Variants in ARL15 observed in about 807,000 individuals in gnomAD.
ARL15 encodes the protein ADP-ribosylation factor-like protein 15.
A neutral mutation model predicts 25.2 loss-of-function variants in ARL15; 19 were observed. That is an observed-to-expected ratio of 0.75 (90% CI 0.53 to 1.10). ARL15 has a LOEUF of 1.10. ARL15 is among the 50% of genes least tolerant of loss of function. The pLI is 0.00. For synonymous variants in ARL15, 94 were observed against 86.8 expected (o/e 1.08, Z -0.46); for missense variants, 220 against 246.0 (o/e 0.89, Z 0.71).
At chr5:54,237,109 GTGGGAGGTAATTGAATCA>G (rs1756829995) in intron 1 of ARL15, among the ~76,000 whole-genome samples, 1 of 152,248 alleles carries the variant, frequency 6.6e-6, no homozygotes, top group Non-Finnish European at 1.5e-5. Flanking sequence ...GAGGGACCTG[GTGGGAGGTAATTGAATCA>G]TGGGAGTGGG....
intron 4 of ARL15, among the ~76,000 whole-genome samples, chr5:54,025,422 A>C (rs553811624): frequency 6.6e-6 from 1 of 152,302 alleles, no homozygotes; most frequent in African/African-American, 2.4e-5. Flanking sequence ...AATTTCTTAA[A>C]ATTAATTGGA....
At chr5:54,087,293 ACTCCAGC>A (rs1482276866) in intron 4 of ARL15, among the ~76,000 whole-genome samples, 1 of 151,936 alleles carries the variant, frequency 6.6e-6, no homozygotes, top group African/African-American at 2.4e-5. Context: ...AAGCCACTGC[ACTCCAGC>A]CTGGGCGACA....
At chr5:54,176,203 A>G (rs985541709) in intron 1 of ARL15, among the ~76,000 whole-genome samples, 1 of 152,202 alleles carries the variant, frequency 6.6e-6, no homozygotes, top group African/African-American at 2.4e-5. Flanking sequence ...GGCTAGATTG[A>G]TAGTTATTAC....
At chr5:53,891,284 A>C (rs886373253) in intron 4 of ARL15, among the ~76,000 whole-genome samples, 2 of 152,178 alleles carry the variant, frequency 1.3e-5, no homozygotes, top group Admixed American at 6.5e-5. Flanking sequence ...TGTGTGTGAA[A>C]GAGAGTCATG....
intron 3 of ARL15, among the ~76,000 whole-genome samples, chr5:54,139,600 C>G (rs1290162726): frequency 1.3e-5 from 2 of 152,172 alleles, no homozygotes; most frequent in African/African-American, 2.4e-5. Context: ...ACTAAAATCT[C>G]AGACTTCACT....
chr5:53,886,459 G>A lies in ARL15; in HGVS notation c.*102C>T. ...AGTCTGAAATGACCAGAGGAAAATA[G>A]ATACTGAAGCCAATATAGTCTTGAT... On this transcript the variant is annotated 3_prime_UTR_variant, in exon 5 of 5. Coordinates refer to ENST00000504924, the MANE Select transcript of ARL15 (RefSeq NM_019087.3). The A allele has an allele frequency of 6.3e-6, 8 of 1,269,562 alleles. No homozygotes were observed. Among genetic ancestry groups the A allele is most frequent in the Non-Finnish European group, 8.5e-6 (8 of 938,420 alleles). The allele number at this position is 1,269,562 out of a possible 1,614,324, so 78.6% of individuals were successfully genotyped here. A position where few individuals can be genotyped will look rare whatever the true frequency, so the allele number is the denominator to read the frequency against.
intron 4 of ARL15, among the ~76,000 whole-genome samples, chr5:53,990,518 T>C (rs1043091351): frequency 2.0e-5 from 3 of 152,152 alleles, no homozygotes; most frequent in Admixed American, 1.3e-4. Context: ...CCCAACAGGA[T>C]CAAACACAAG....
chr5:54,163,707 T>C (rs1223899886), intron 2 of ARL15, among the ~76,000 whole-genome samples: 1 of 152,026 alleles, frequency 6.6e-6, no homozygotes, highest in African/African-American at 2.4e-5. Flanking sequence ...GTTCATGATA[T>C]TCCCTTATTA....
intron 1 of ARL15, among the ~76,000 whole-genome samples, chr5:54,174,253 C>T (rs1250126292): frequency 6.6e-6 from 1 of 152,150 alleles, no homozygotes; most frequent in African/African-American, 2.4e-5. Context: ...TAGAGACTAA[C>T]AGGATGCTTG....
At chr5:54,101,311 A>G (rs944360775) in intron 4 of ARL15, among the ~76,000 whole-genome samples, 2 of 152,138 alleles carry the variant, frequency 1.3e-5, no homozygotes, top group Non-Finnish European at 1.5e-5. Flanking sequence ...GACTAACTAG[A>G]GTATAAATAA....
rs538400908 is a variant in ARL15, at chr5:54,079,798, C to T, written c.462+33404G>A. ...CAGCCTGGCCAACATGGTGAAACCC[C>T]ATCTCTACTAAAAATACAAAAAATA... is the stretch of plus-strand genomic sequence containing the variant. On this transcript the variant is annotated intron_variant, in intron 4 of 4. Coordinates refer to ENST00000504924, the MANE Select transcript of ARL15 (RefSeq NM_019087.3). 5.3e-5 allele frequency among the ~76,000 whole-genome samples: 8 copies of T among 152,108 alleles called. No individual in the cohort carries two copies. The South Asian group carries it at 1.7e-3, about 32-fold the overall frequency.
intron 4 of ARL15, among the ~76,000 whole-genome samples, chr5:53,975,701 T>C (rs1369793026): frequency 2.6e-5 from 4 of 152,162 alleles, no homozygotes; most frequent in Admixed American, 2.6e-4. Flanking sequence ...AAGAAAAAAG[T>C]GTCATATGAT....
At chr5:53,891,841 G>A (rs920316830) in intron 4 of ARL15, among the ~76,000 whole-genome samples, 2 of 152,214 alleles carry the variant, frequency 1.3e-5, no homozygotes, top group African/African-American at 2.4e-5. Context: ...TGTCCTGAAC[G>A]AGACTGGAGA....
intron 4 of ARL15, among the ~76,000 whole-genome samples, chr5:54,100,035 G>A (rs1224443763): frequency 1.3e-5 from 2 of 152,064 alleles, no homozygotes; most frequent in Non-Finnish European, 2.9e-5. Flanking sequence ...GTATTCACTT[G>A]AGAAATGCTT....
At chr5:54,068,400 C>T (rs156828) in intron 4 of ARL15, among the ~76,000 whole-genome samples, 104,636 of 152,092 alleles carry the variant, frequency 0.69, 36,204 homozygotes, top group African/African-American at 0.77. Flanking sequence ...AGAAAGTCAA[C>T]GTATCCAACA....
At chr5:54,000,156 T>G (rs1252813001) in intron 4 of ARL15, among the ~76,000 whole-genome samples, 3 of 151,564 alleles carry the variant, frequency 2.0e-5, no homozygotes, top group Non-Finnish European at 4.4e-5. Context: ...TTTCCTCTAG[T>G]TTTTTTAAGT....
chr5:54,219,045 GAC>G (rs1348212231), intron 1 of ARL15, among the ~76,000 whole-genome samples: 1 of 150,834 alleles, frequency 6.6e-6, no homozygotes, highest in African/African-American at 2.4e-5. Context: ...ACATGTAAAT[GAC>G]AGATTTTAAA....
At chr5:54,068,717 A>C (rs1425833739) in intron 4 of ARL15, among the ~76,000 whole-genome samples, 2 of 152,234 alleles carry the variant, frequency 1.3e-5, no homozygotes, top group Non-Finnish European at 2.9e-5. Flanking sequence ...AAAAATTGAA[A>C]TGCTTATCAG....
At chr5:53,986,088 C>T (rs1386233819) in intron 4 of ARL15, among the ~76,000 whole-genome samples, 1 of 152,096 alleles carries the variant, frequency 6.6e-6, no homozygotes, top group African/African-American at 2.4e-5. Context: ...TTTATTTTTC[C>T]TCTCCTCTCA....
Sources: gnomAD v4.1 joint callset for allele counts (sites outside exome capture counted in the v4.1 genomes callset) on GRCh38, gnomAD v4.1.1 for gene constraint, MANE v1.5 for transcripts, NCBI Gene and HGNC (gene_info 2026-07-23, HGNC 2026-07-21) for gene names.